The following CCDC175 variants were observed in gnomAD, a reference collection of about 807,000 sequenced individuals.
CCDC175 encodes coiled-coil domain containing 175, also known as coiled-coil domain-containing protein 175.
A neutral mutation model predicts 114.6 loss-of-function variants in CCDC175; 100 were observed. That is an observed-to-expected ratio of 0.87 (90% CI 0.74 to 1.03). CCDC175 has a LOEUF of 1.03. Among genes scored for constraint, CCDC175 ranks in the 50% least tolerant of loss-of-function variants. The pLI, the probability that CCDC175 is intolerant of heterozygous loss-of-function variation, is 0.00. For missense variants in CCDC175, 880 were observed against 917.8 expected (o/e 0.96, Z 0.53); for synonymous variants, 306 against 308.7 (o/e 0.99, Z 0.09).
At chr14:59,569,744 AG>A (rs1413831895) in intron 3 of CCDC175, among the ~76,000 whole-genome samples, 1 of 152,210 alleles carries the variant, frequency 6.6e-6, no homozygotes, top group African/African-American at 2.4e-5. Context: ...TCTATCAGTC[AG>A]GGTCCAATTA....
intron 10 of CCDC175, among the ~76,000 whole-genome samples, chr14:59,542,896 A>T (rs74059551): frequency 0.062 from 9,495 of 152,236 alleles, 388 homozygotes; most frequent in Middle Eastern, 0.11. Context: ...CATATATTGT[A>T]AACTGTTAAC....
intron 17 of CCDC175, among the ~76,000 whole-genome samples, chr14:59,519,521 A>G (rs943234911): frequency 5.3e-5 from 8 of 152,230 alleles, no homozygotes; most frequent in Admixed American, 2.6e-4. Context: ...GACACCATGA[A>G]GAAAATGAAA....
At chr14:59,554,049 A>G (rs1486206888) in intron 7 of CCDC175, among the ~76,000 whole-genome samples, 2 of 152,218 alleles carry the variant, frequency 1.3e-5, no homozygotes, top group East Asian at 3.8e-4. Flanking sequence ...AACATTAGAC[A>G]GATCAATGAG....
intron 8 of CCDC175, 39 bp downstream of exon 8, chr14:59,551,316 G>T: frequency 1.1e-6 from 1 of 900,436 alleles, no homozygotes; most frequent in Non-Finnish European, 1.6e-6. Context: ...AAAATGAAAT[G>T]TAATTATAAT....
At chr14:59,517,660 G>A (rs1012917459) in intron 17 of CCDC175, among the ~76,000 whole-genome samples, 46 of 152,134 alleles carry the variant, frequency 3.0e-4, no homozygotes, top group African/African-American at 1.0e-3. Flanking sequence ...ACTGCTCAAC[G>A]AAATAAAAGA....
intron 17 of CCDC175, among the ~76,000 whole-genome samples, chr14:59,514,105 C>T (rs573128013): frequency 6.6e-6 from 1 of 152,288 alleles, no homozygotes; most frequent in South Asian, 2.1e-4. Flanking sequence ...AGCTGAAGGT[C>T]CTGACTGTTA....
At chr14:59,532,034 C>T in intron 13 of CCDC175, 124 bp from the exon 14 acceptor site, 1 of 573,506 alleles carries the variant, frequency 1.7e-6, no homozygotes, top group Non-Finnish European at 3.0e-6. Flanking sequence ...TCCTGAGGTA[C>T]ATAGAAAGAC....
At chr14:59,529,154 T>C (rs1043192175) in intron 14 of CCDC175, among the ~76,000 whole-genome samples, 7 of 152,160 alleles carry the variant, frequency 4.6e-5, no homozygotes, top group Non-Finnish European at 7.3e-5. Context: ...TTTCTCTGAA[T>C]TGTTCAGTTT....
intron 16 of CCDC175, among the ~76,000 whole-genome samples, chr14:59,522,838 A>C (rs1458929171): frequency 6.6e-6 from 1 of 152,202 alleles, no homozygotes; most frequent in Non-Finnish European, 1.5e-5. Context: ...TAACATACTG[A>C]ATTGTAATGA....
In CCDC175 at chr14:59,561,192, G is replaced by T. The variant is rs1259858424; in HGVS notation, c.880C>A (p.His294Asn). The change falls in exon 7 of 20, where the codon CAC (histidine) becomes AAC (asparagine). Residue 294 changes from histidine (H) to asparagine (N), a missense_variant. Coordinates refer to ENST00000537690, the MANE Select transcript of CCDC175 (RefSeq NM_001164399.2). ...SDHNLEIARL[H>N]ESIRYWEQEV... ...TGTTCCCAATACCTTATTGATTCGT[G>T]TAGTCGTGCTATCTCTAAATTGTGA... 5.2e-6 allele frequency: 8 copies of T among 1,535,108 alleles called. No individual in the cohort carries two copies. The highest frequency in any genetic ancestry group is 5.2e-6 in the Non-Finnish European group (6 of 1,145,456).
chr14:59,565,061 CTT>C lies in CCDC175; in HGVS notation c.704_705del (p.Gln235ArgfsTer7). 2 of 1,533,740 alleles carry C rather than the reference CTT, an allele frequency of 1.3e-6. No individual in the cohort carries two copies. The highest frequency in any genetic ancestry group is 1.7e-6 in the Non-Finnish European group (2 of 1,144,538). The part of the protein sequence containing the change: ...KERAEYLIRK[Q>X]ELTAQINEFE... ...ATGCCACTTACCTGTGCAGTCAACT[CTT>C]GTTTTCTTATTAGATATTCTGCCCT... is the stretch of plus-strand genomic sequence containing the variant. On this transcript the variant is annotated frameshift_variant, in exon 5 of 20. Transcript: ENST00000537690. LOFTEE classifies it high-confidence loss of function.
chr14:59,525,960 C>A (rs1156825582), intron 15 of CCDC175, among the ~76,000 whole-genome samples: 1 of 152,026 alleles, frequency 6.6e-6, no homozygotes, highest in African/African-American at 2.4e-5. Flanking sequence ...TCATGTTGGT[C>A]CTGGAACCAA....
At chr14:59,555,715 C>A (rs888308326) in intron 7 of CCDC175, among the ~76,000 whole-genome samples, 21 of 152,112 alleles carry the variant, frequency 1.4e-4, no homozygotes, top group African/African-American at 5.1e-4. Flanking sequence ...TTTAGAAAAC[C>A]CCATTGTCTC....
At chr14:59,573,636 AT>A (rs1896953632) in intron 2 of CCDC175, among the ~76,000 whole-genome samples, 1 of 137,776 alleles carries the variant, frequency 7.3e-6, no homozygotes, top group Non-Finnish European at 1.5e-5. Flanking sequence ...TTTTTTTGAG[AT>A]GGAATCTCAC....
chr14:59,514,661 G>C (rs6573261), intron 17 of CCDC175, among the ~76,000 whole-genome samples: 149,007 of 152,240 alleles, frequency 0.98, 73,003 homozygotes, highest in East Asian at 1. Context: ...AAATATGGGA[G>C]TATGTGAAAA....
At chr14:59,552,102 A>G (rs111918986) in intron 7 of CCDC175, among the ~76,000 whole-genome samples, 2,475 of 152,308 alleles carry the variant, frequency 0.016, 64 homozygotes, top group African/African-American at 0.056. Context: ...TCCATGTCTG[A>G]CACCTTTGAA....
chr14:59,525,541 A>C (rs1893692046), intron 15 of CCDC175, 107 bp from the exon 16 acceptor site: 1 of 734,804 alleles, frequency 1.4e-6, no homozygotes, highest in African/African-American at 1.9e-5. Context: ...TTAATTTCTG[A>C]AGTATCCAGC....
At chr14:59,554,716 TAGC>T (rs1895764396) in intron 7 of CCDC175, among the ~76,000 whole-genome samples, 1 of 152,010 alleles carries the variant, frequency 6.6e-6, no homozygotes, top group African/African-American at 2.4e-5. Context: ...GATAGACTGC[TAGC>T]AAGACTAATA....
intron 17 of CCDC175, among the ~76,000 whole-genome samples, chr14:59,516,428 TA>T (rs1893090439): frequency 6.6e-6 from 1 of 152,080 alleles, no homozygotes; most frequent in Non-Finnish European, 1.5e-5. Context: ...CTAGCAAGGC[TA>T]ATAAAGAAGA....
Sources: allele counts gnomAD v4.1 joint callset (sites outside exome capture counted in the v4.1 genomes callset), GRCh38; gene constraint gnomAD v4.1.1; transcripts MANE v1.5; gene names NCBI Gene and HGNC (gene_info 2026-07-23, HGNC 2026-07-21).